Variants in FRY observed in about 807,000 individuals in gnomAD.
FRY encodes the protein FRY microtubule binding protein, also known as protein furry homolog.
Under a neutral mutation model 348.4 loss-of-function variants are expected in FRY, and 128 were observed. The ratio of observed to expected loss-of-function variants is 0.37; its 90% CI spans 0.32 to 0.43. The LOEUF (loss-of-function observed/expected upper bound fraction) is 0.43. Ranked by LOEUF, FRY falls within the 20% of genes least tolerant of loss-of-function variation. The pLI, the probability that FRY is intolerant of heterozygous loss-of-function variation, is 1.00. For synonymous variants in FRY, 1,370 were observed against 1,374.7 expected (o/e 1.00, Z 0.08); for missense variants, 2,736 against 3,695.2 (o/e 0.74, Z 6.73).
At chr13:32,108,601 A>G (rs919211262) in intron 3 of FRY, among the ~76,000 whole-genome samples, 2 of 152,230 alleles carry the variant, frequency 1.3e-5, no homozygotes, top group African/African-American at 4.8e-5. Flanking sequence ...ATTCCAAAAA[A>G]CAGACACATT....
intron 20 of FRY, among the ~76,000 whole-genome samples, chr13:32,177,710 G>C (rs1411122133): frequency 1.3e-5 from 2 of 152,128 alleles, no homozygotes; most frequent in African/African-American, 4.8e-5. Context: ...AAATCAAAGG[G>C]AAGATATTTC....
In FRY at chr13:32,245,193, C is replaced by T. The variant is rs563209766; in HGVS notation, c.6828+1011C>T. ...TCGAACTCCTGACCTCGTGATCCAC[C>T]GCCTCGGCCTCCCAAAGTGCTGGGA... On this transcript the variant is annotated intron_variant, in intron 47 of 60. Coordinates refer to ENST00000542859, the MANE Select transcript of FRY (RefSeq NM_023037.3). Among the ~76,000 whole-genome samples the T allele has an allele frequency of 2.0e-4, 31 of 152,126 alleles. 1 individual carries two copies. Among genetic ancestry groups the T allele is most frequent in the African/African-American group, 5.8e-4 (24 of 41,530 alleles).
In FRY at chr13:32,065,710, C is replaced by G. The variant is rs141457813; in HGVS notation, c.71-13124C>G. On this transcript the variant is annotated intron_variant, in intron 1 of 60. Transcript: ENST00000542859. ...TGAATTCCTGGGCTCAAGCGATCCT[C>G]CCGTCTCAGCCTCCCAGTAGCTAAG... 5.4e-3 allele frequency among the ~76,000 whole-genome samples: 826 copies of G among 152,254 alleles called. 7 individuals carry two copies. The highest frequency in any genetic ancestry group is 0.019 in the African/African-American group (790 of 41,546).
At chr13:32,066,951 G>T (rs1026607629) in intron 1 of FRY, among the ~76,000 whole-genome samples, 1 of 152,160 alleles carries the variant, frequency 6.6e-6, no homozygotes, top group African/African-American at 2.4e-5. Context: ...GTTGGGTTCA[G>T]GTCCACAAAT....
At chr13:32,058,599 A>G (rs1873766896) in intron 1 of FRY, among the ~76,000 whole-genome samples, 1 of 152,196 alleles carries the variant, frequency 6.6e-6, no homozygotes, top group Non-Finnish European at 1.5e-5. Context: ...TGACCTTAGG[A>G]TCCTTCACCT....
chr13:32,290,949 A>G (rs1178271563), intron 59 of FRY, among the ~76,000 whole-genome samples: 1 of 152,194 alleles, frequency 6.6e-6, no homozygotes, highest in Non-Finnish European at 1.5e-5. Context: ...TGCTGTGTCC[A>G]GACAGTCAAG....
Position 32,228,374 on chromosome 13 carries a change from TG to T in FRY, c.5207-81del, listed in dbSNP as rs975925510. 16 of 1,003,080 alleles carry T rather than the reference TG, an allele frequency of 1.6e-5. No homozygotes were observed. In the Admixed American group the frequency reaches 1.7e-4, roughly 11 times the overall value. 62.1% of individuals were successfully genotyped at this position (1,003,080 alleles called of 1,614,324 possible). ...GAATTTAAATAACTCCACACTTCCCTGCCCTCCTCTGTGGACCTCATTAAGC... is the reference window on the plus strand; with the variant it reads ...GAATTTAAATAACTCCACACTTCCCTCCCTCCTCTGTGGACCTCATTAAGC... On this transcript the variant is annotated intron_variant, in intron 39 of 60. Coordinates refer to ENST00000542859, the MANE Select transcript of FRY (RefSeq NM_023037.3).
intron 12 of FRY, 87 bp downstream of exon 12, chr13:32,147,472 T>C: frequency 1.3e-6 from 1 of 776,960 alleles, no homozygotes; most frequent in South Asian, 1.4e-5. Flanking sequence ...CTAACTCAAC[T>C]AGAAGCTATT....
At chr13:32,145,560 C>A (rs1326404644) in intron 11 of FRY, among the ~76,000 whole-genome samples, 5 of 111,520 alleles carry the variant, frequency 4.5e-5, no homozygotes, top group African/African-American at 1.1e-4. Context: ...TTTTTTGAGA[C>A]GGAGTCTCGC....
At chr13:32,274,510 C>T (rs924922253) in intron 55 of FRY, among the ~76,000 whole-genome samples, 27 of 151,820 alleles carry the variant, frequency 1.8e-4, no homozygotes, top group South Asian at 8.3e-4. Flanking sequence ...CGAGACCATC[C>T]TGGCTAACAC....
intron 55 of FRY, among the ~76,000 whole-genome samples, chr13:32,268,505 A>AATATATAT (rs869298149): frequency 7.4e-4 from 21 of 28,282 alleles, no homozygotes; most frequent in East Asian, 3.7e-3. Flanking sequence ...AAAAAAAAAA[A>AATATATAT]ATATATATAT....
At chr13:32,291,395 T>G (rs920087391) in intron 59 of FRY, among the ~76,000 whole-genome samples, 1 of 150,050 alleles carries the variant, frequency 6.7e-6, no homozygotes, top group Non-Finnish European at 1.5e-5. Flanking sequence ...TTACTTTTTC[T>G]TTTTCTTTTT....
intron 4 of FRY, among the ~76,000 whole-genome samples, chr13:32,117,976 A>C (rs1365440714): frequency 3.9e-5 from 6 of 152,166 alleles, no homozygotes. Context: ...CCTTGTGAGC[A>C]AAACAAGGAA....
In FRY at chr13:32,234,725, G is replaced by A. The variant is rs1469100417; in HGVS notation, c.5679G>A (p.Leu1893=). ...AHALSDLLSR[L]VEVIGEHGDE... Reference sequence around the variant, plus strand: ...CCTTATCTGACCTTCTCTCAAGATTGGTGGAGGTGATAGGAGAACATGGAG... The same window carrying A: ...CCTTATCTGACCTTCTCTCAAGATTAGTGGAGGTGATAGGAGAACATGGAG... The change falls in exon 42 of 61, where the codon TTG becomes TTA. Residue 1893 remains leucine (L), a synonymous_variant. Transcript: ENST00000542859. The A allele has an allele frequency of 3.1e-6, 5 of 1,613,978 alleles. No individual in the cohort carries two copies. Among genetic ancestry groups the A allele is most frequent in the Non-Finnish European group, 3.4e-6 (4 of 1,180,018 alleles).
Position 32,295,509 on chromosome 13 carries a change from C to G in FRY, c.*49C>G. The G allele has an allele frequency of 6.4e-7, 1 of 1,568,068 alleles. No individual in the cohort carries two copies. Among genetic ancestry groups the G allele is most frequent in the Non-Finnish European group, 8.7e-7 (1 of 1,146,356 alleles). On this transcript the variant is annotated 3_prime_UTR_variant, in exon 61 of 61. Transcript: ENST00000542859. ...GTTCCAAACTGGCAGTGCTGCCATG[C>G]TGGGGCAACGTCATTCAGTGTCTTC...
intron 11 of FRY, among the ~76,000 whole-genome samples, 175 bp downstream of exon 11, chr13:32,137,147 A>G (rs572829837): frequency 2.6e-5 from 4 of 152,372 alleles, no homozygotes; most frequent in African/African-American, 9.6e-5. Flanking sequence ...AATTTTAGAA[A>G]GTGACTAGGA....
chr13:32,224,424 G>T lies in FRY; in HGVS notation c.4916+39G>T, dbSNP rs546600275. ...GTGGGGAGAAGGAAATCTTAGCTTT[G>T]ACTGGACTTTTCTACCTATGACAAG... is the stretch of plus-strand genomic sequence containing the variant. On this transcript the variant is annotated intron_variant, in intron 37 of 60. Coordinates refer to ENST00000542859, the MANE Select transcript of FRY (RefSeq NM_023037.3). The T allele has an allele frequency of 7.9e-5, 126 of 1,603,026 alleles. No homozygotes were observed. In the South Asian group the frequency reaches 1.3e-3, roughly 17 times the overall value.
chr13:32,204,600 C>T (rs184476482), intron 31 of FRY, among the ~76,000 whole-genome samples: 2 of 152,294 alleles, frequency 1.3e-5, no homozygotes, highest in East Asian at 3.9e-4. Context: ...TTGAATGGCC[C>T]TCACCCCTTC....
chr13:32,200,558 G>A (rs1367641123), intron 29 of FRY, among the ~76,000 whole-genome samples: 1 of 152,152 alleles, frequency 6.6e-6, no homozygotes, highest in Non-Finnish European at 1.5e-5. Flanking sequence ...CTGCACTCCA[G>A]CCTGGGCAAC....
Sources: allele counts gnomAD v4.1 joint callset (sites outside exome capture counted in the v4.1 genomes callset), GRCh38; gene constraint gnomAD v4.1.1; transcripts MANE v1.5; gene names NCBI Gene and HGNC (gene_info 2026-07-23, HGNC 2026-07-21).